PPEF1: variants seen among roughly 807,000 people sequenced by gnomAD.
PPEF1 encodes serine/threonine-protein phosphatase with EF-hands 1.
A neutral mutation model predicts 53.3 loss-of-function variants in PPEF1; 12 were observed. The ratio of observed to expected loss-of-function variants is 0.23; its 90% CI spans 0.14 to 0.36. The LOEUF (loss-of-function observed/expected upper bound fraction) is 0.36, where lower values mean the gene tolerates loss of function less well. PPEF1 is among the 10% of genes least tolerant of loss of function. PPEF1 has a pLI of 1.00. For synonymous variants in PPEF1, 165 were observed against 176.7 expected (o/e 0.93, Z 0.52); for missense variants, 334 against 490.4 (o/e 0.68, Z 3.01).
intron 3 of PPEF1, among the ~76,000 whole-genome samples, chrX:18,746,067 T>C (rs2045323561): frequency 9.0e-6 from 1 of 110,958 alleles, no homozygotes; most frequent in South Asian, 3.7e-4. Flanking sequence ...GTGTAGGGGG[T>C]ATTTTTGAGG....
intron 3 of PPEF1, among the ~76,000 whole-genome samples, chrX:18,741,598 A>G (rs2045163257): frequency 9.1e-6 from 1 of 110,039 alleles, no homozygotes; most frequent in South Asian, 3.9e-4. Flanking sequence ...GGAACAAGAA[A>G]TAAAACATGA....
At chrX:18,794,648 G>A (rs1241134236) in intron 10 of PPEF1, among the ~76,000 whole-genome samples, 1 of 112,911 alleles carries the variant, frequency 8.9e-6, no homozygotes, top group Admixed American at 9.3e-5. Context: ...GCCATGCCTA[G>A]GATAGGGCTT....
chrX:18,756,773 C>T (rs1184363400), intron 4 of PPEF1, among the ~76,000 whole-genome samples: 1 of 112,514 alleles, frequency 8.9e-6, no homozygotes, highest in Non-Finnish European at 1.9e-5. Flanking sequence ...GCAATATATT[C>T]TCAGTGAATA....
At chrX:18,678,128 C>CAAA (rs57502489), upstream of PPEF1, among the ~76,000 whole-genome samples, 35 of 33,738 alleles carry the variant, frequency 1.0e-3, 1 homozygote, top group Admixed American at 5.0e-3. Flanking sequence ...GAGAACCTGG[C>CAAA]AAAAAAAAAA....
intron 10 of PPEF1, among the ~76,000 whole-genome samples, chrX:18,790,917 C>T (rs1396334396): frequency 1.8e-5 from 2 of 110,356 alleles, no homozygotes; most frequent in Non-Finnish European, 1.9e-5. Context: ...GTGATCTGCC[C>T]GCCTCGGCCT....
In PPEF1 at chrX:18,749,847, T is replaced by C; in HGVS notation, c.291T>C (p.Tyr97=). ...AGGACATGAGGGATAGATGGGATTATGTGGACTCGATAGATGTCCCAGACT... is the reference window on the plus strand; with the variant it reads ...AGGACATGAGGGATAGATGGGATTACGTGGACTCGATAGATGTCCCAGACT... ...SEQDMRDRWD[Y]VDSIDVPDSY... The change falls in exon 4 of 16, where the codon TAT becomes TAC. Residue 97 remains tyrosine, a synonymous_variant. Coordinates refer to ENST00000470157, the MANE Select transcript of PPEF1 (RefSeq NM_001377996.1). The C allele has an allele frequency of 8.5e-7, 1 of 1,178,514 alleles. No homozygotes were observed. The highest frequency in any genetic ancestry group is 1.1e-6 in the Non-Finnish European group (1 of 875,898).
chrX:18,809,093 A>ATCTATCTATCTG (rs1431015644), intron 12 of PPEF1, among the ~76,000 whole-genome samples: 664 of 34,398 alleles, frequency 0.019, 10 homozygotes, highest in African/African-American at 0.074. Flanking sequence ...ATCACATTAT[A>ATCTATCTATCTG]TCTATCTATC....
intron 10 of PPEF1, among the ~76,000 whole-genome samples, chrX:18,792,881 T>C (rs201279098): frequency 2.7e-5 from 3 of 111,441 alleles, no homozygotes; most frequent in South Asian, 3.7e-4. Context: ...GAGGATTCCA[T>C]TGGTTACTTG....
At chrX:18,752,073 T>C (rs937451291) in intron 4 of PPEF1, among the ~76,000 whole-genome samples, 1 of 112,309 alleles carries the variant, frequency 8.9e-6, no homozygotes, top group Non-Finnish European at 1.9e-5. Context: ...AGGGATTGCG[T>C]TGAATTGCTA....
At chrX:18,786,216 G>T (rs1193895450) in intron 9 of PPEF1, among the ~76,000 whole-genome samples, 1 of 111,406 alleles carries the variant, frequency 9.0e-6, no homozygotes, top group East Asian at 2.8e-4. Flanking sequence ...CAGCTCTATC[G>T]AGGGCTTTTT....
At chrX:18,811,914 C>G (rs890603899) in intron 12 of PPEF1, among the ~76,000 whole-genome samples, 18 of 110,929 alleles carry the variant, frequency 1.6e-4, no homozygotes, top group African/African-American at 5.6e-4. Context: ...GCCACTTGTT[C>G]AGTATTTGAT....
chrX:18,711,126 C>G (rs1223577301), intron 1 of PPEF1, among the ~76,000 whole-genome samples: 1 of 107,324 alleles, frequency 9.3e-6, no homozygotes, highest in Admixed American at 1.0e-4. Context: ...TGGAATACTA[C>G]TCAGCCATAA....
chrX:18,811,587 GTATATATATATATA>G, intron 12 of PPEF1, among the ~76,000 whole-genome samples: 1 of 43,980 alleles, frequency 2.3e-5, no homozygotes, highest in South Asian at 1.4e-3. Flanking sequence ...CACTTATTCA[GTATATATATATATA>G]TATATATATA....
At chrX:18,816,742 T>G (rs1328019892) in intron 12 of PPEF1, among the ~76,000 whole-genome samples, 1 of 111,986 alleles carries the variant, frequency 8.9e-6, no homozygotes, top group African/African-American at 3.2e-5. Context: ...TTATAATTGC[T>G]TCATCTTCTT....
intron 1 of PPEF1, among the ~76,000 whole-genome samples, chrX:18,714,771 G>A (rs1016913961): frequency 3.1e-4 from 35 of 112,177 alleles, no homozygotes; most frequent in Non-Finnish European, 3.8e-5. Flanking sequence ...AGTTGGCCAG[G>A]CCCTGTAACA....
chrX:18,743,446 C>CTTTTTTTTTTTTTTTT (rs72264344), intron 3 of PPEF1, among the ~76,000 whole-genome samples: 44 of 59,324 alleles, frequency 7.4e-4, no homozygotes, highest in African/African-American at 2.5e-3. Context: ...TTCTCTTTTT[C>CTTTTTTTTTTTTTTTT]TTTTTTTTTT....
intron 6 of PPEF1, among the ~76,000 whole-genome samples, chrX:18,702,464 G>A (rs1446894456): frequency 9.4e-6 from 1 of 106,492 alleles, no homozygotes; most frequent in Non-Finnish European, 1.9e-5. Context: ...ATGCCAGAGA[G>A]GGTCGTGTCA....
chrX:18,685,684 CAAAAAAAAA>C (rs1212907646), intron 2 of PPEF1, among the ~76,000 whole-genome samples: 19 of 28,746 alleles, frequency 6.6e-4, no homozygotes, highest in East Asian at 3.5e-3. Context: ...GACTCCATCT[CAAAAAAAAA>C]AAAAAAAAAA....
intron 1 of PPEF1, among the ~76,000 whole-genome samples, chrX:18,711,051 T>C (rs2044313191): frequency 2.0e-5 from 2 of 97,570 alleles, no homozygotes; most frequent in Non-Finnish European, 4.0e-5. Flanking sequence ...TATGTATGTA[T>C]GTGTGTGCAT....
Sources: allele counts gnomAD v4.1 joint callset (sites outside exome capture counted in the v4.1 genomes callset), GRCh38; gene constraint gnomAD v4.1.1; transcripts MANE v1.5; gene names NCBI Gene and HGNC (gene_info 2026-07-23, HGNC 2026-07-21).